Variants in TTLL1 observed in about 807,000 individuals in gnomAD.
TTLL1 encodes the protein TTL family tubulin polyglutamylase complex subunit L1, also known as polyglutamylase complex subunit TTLL1.
In TTLL1, 33 loss-of-function variants were observed where a neutral mutation model predicts 47.8. The observed-to-expected ratio is 0.69, with a 90% confidence interval of 0.52 to 0.92. The LOEUF is 0.92. TTLL1 is among the 40% of genes least tolerant of loss of function. The pLI, the probability that TTLL1 is intolerant of heterozygous loss-of-function variation, is 0.00. For missense variants in TTLL1, 488 were observed against 547.5 expected (o/e 0.89, Z 1.08); for synonymous variants, 225 against 214.1 (o/e 1.05, Z -0.45).
chr22:43,061,040 C>A (rs1927356397), intron 7 of TTLL1, among the ~76,000 whole-genome samples: 1 of 151,844 alleles, frequency 6.6e-6, no homozygotes, highest in South Asian at 2.1e-4. Flanking sequence ...TACTAAAAAC[C>A]CCAGCCAGGT....
intron 5 of TTLL1, among the ~76,000 whole-genome samples, chr22:43,064,625 CTG>C (rs1183686708): frequency 6.6e-6 from 1 of 152,070 alleles, no homozygotes; most frequent in Non-Finnish European, 1.5e-5. Flanking sequence ...ACTCAGGAGG[CTG>C]TGGCAGGAGA....
At position 43,046,513 on chromosome 22, in the gene TTLL1, G is replaced by A. The variant is rs144441232; in HGVS notation, c.1039C>T (p.Leu347=). ...GCGATGTTGAGGGTGTCATTAATCA[G>A]GTTGTACTTGAGGATTCGGTCATTG... ...TANDRILKYN[L]INDTLNIAVP... Residue 347 remains leucine (L), a synonymous_variant, in exon 10 of 11, where the codon CTG becomes TTG. Transcript: ENST00000266254. 1.2e-6 allele frequency: 2 copies of A among 1,614,014 alleles called. No individual in the cohort carries two copies. The highest frequency in any genetic ancestry group is 2.7e-5 in the African/African-American group (2 of 74,910).
chr22:43,053,613 G>A lies in TTLL1; in HGVS notation c.892-1726C>T, dbSNP rs150770532. 3.1e-3 allele frequency among the ~76,000 whole-genome samples: 473 copies of A among 152,222 alleles called. 1 individual carries two copies. The highest frequency in any genetic ancestry group is 0.011 in the African/African-American group (447 of 41,554). The stretch of plus-strand genomic sequence containing the variant: ...TCGGGGGGTCTCAGAGCCACCTCCC[G>A]TCCTGCACCAGGCCCCTCCCATGTG... On this transcript the variant is annotated intron_variant, in intron 8 of 10. Coordinates refer to ENST00000266254, the MANE Select transcript of TTLL1 (RefSeq NM_012263.5).
At chr22:43,068,193 T>C (rs2146979683) in intron 5 of TTLL1, among the ~76,000 whole-genome samples, 1 of 151,206 alleles carries the variant, frequency 6.6e-6, no homozygotes, top group Middle Eastern at 3.5e-3. Context: ...GACGCATGCC[T>C]GTAATCCCAA....
chr22:43,088,211 C>T (rs113226680), intron 1 of TTLL1, among the ~76,000 whole-genome samples: 63 of 151,608 alleles, frequency 4.2e-4, no homozygotes, highest in African/African-American at 1.5e-3. Flanking sequence ...GCAGGGCATT[C>T]GTTCACAGCG....
At chr22:43,052,731 G>A (rs944250517) in intron 8 of TTLL1, among the ~76,000 whole-genome samples, 2 of 148,772 alleles carry the variant, frequency 1.3e-5, no homozygotes, top group Admixed American at 6.7e-5. Flanking sequence ...GGGTGACAGA[G>A]CAAGAACCTG....
chr22:43,059,136 C>T (rs532964777), intron 8 of TTLL1, among the ~76,000 whole-genome samples: 9 of 152,270 alleles, frequency 5.9e-5, no homozygotes, highest in African/African-American at 2.2e-4. Flanking sequence ...ATTACACGTG[C>T]ATGCCACCAT....
rs113316200 is a variant in TTLL1, at chr22:43,076,688, T to C, written c.-4-1098A>G. On this transcript the variant is annotated intron_variant, in intron 2 of 10. Transcript: ENST00000266254. ...ATCACTTGAACCTGGGAGGTGGAGG[T>C]TGCAGTGGGCAGAGATTGCGCCACT... 9.8e-3 allele frequency among the ~76,000 whole-genome samples: 1,451 copies of C among 148,454 alleles called. 24 individuals carry two copies. The highest frequency in any genetic ancestry group is 0.034 in the African/African-American group (1,353 of 39,904).
At chr22:43,064,634 G>A (rs1927613129) in intron 5 of TTLL1, among the ~76,000 whole-genome samples, 1 of 152,202 alleles carries the variant, frequency 6.6e-6, no homozygotes, top group South Asian at 2.1e-4. Flanking sequence ...GCTGTGGCAG[G>A]AGAATCACTT....
rs375687595 is a variant in TTLL1 at position 43,046,602 on chromosome 22, C to A, written c.979-29G>T. Reference sequence around the variant, plus strand: ...TGAGATGAAAGACCCATGTTCCTCACCTGTGTCTCTCGCTCTTTTGGAATG... The same window carrying A: ...TGAGATGAAAGACCCATGTTCCTCAACTGTGTCTCTCGCTCTTTTGGAATG... On this transcript the variant is annotated intron_variant, in intron 9 of 10. Transcript: ENST00000266254. 1.2e-5 allele frequency: 20 copies of A among 1,606,160 alleles called. No homozygotes were observed. In the African/African-American group the frequency reaches 2.3e-4, roughly 18 times the overall value.
At chr22:43,048,509 C>T (rs1926335167) in intron 9 of TTLL1, among the ~76,000 whole-genome samples, 2 of 150,106 alleles carry the variant, frequency 1.3e-5, no homozygotes, top group African/African-American at 2.5e-5. Context: ...AAGAGTGGCA[C>T]ACACCTCTAC....
Position 43,040,090 on chromosome 22 carries a change from G to A in TTLL1, c.1143-185C>T, listed in dbSNP as rs1172541667. On this transcript the variant is annotated intron_variant, in intron 10 of 10. Transcript: ENST00000266254. ...GCTCCAGCCCACCTGCCTGCCAGGTGGCTCTCGCAGCCCAGCAAATGCTCC... is the reference window on the plus strand; with the variant it reads ...GCTCCAGCCCACCTGCCTGCCAGGTAGCTCTCGCAGCCCAGCAAATGCTCC... The A allele has an allele frequency of 5.9e-6, 4 of 677,502 alleles. No homozygotes were observed. In the East Asian group the frequency reaches 9.0e-5, roughly 15 times the overall value. 42.0% of individuals were successfully genotyped at this position (677,502 alleles called of 1,614,324 possible). A position where few individuals can be genotyped will look rare whatever the true frequency, so the allele number is the denominator to read the frequency against.
At chr22:43,088,062 C>T (rs1170391711) in intron 1 of TTLL1, among the ~76,000 whole-genome samples, 1 of 148,030 alleles carries the variant, frequency 6.8e-6, no homozygotes, top group Non-Finnish European at 1.5e-5. Flanking sequence ...GCAGGAGAAT[C>T]GCTTGAACCC....
chr22:43,055,574 G>T (rs1048614960), intron 8 of TTLL1, among the ~76,000 whole-genome samples: 1 of 151,148 alleles, frequency 6.6e-6, no homozygotes, highest in African/African-American at 2.4e-5. Context: ...CAAGCAATCT[G>T]CCCACCTTGA....
chr22:43,050,867 T>A (rs865978143), intron 9 of TTLL1, among the ~76,000 whole-genome samples: 1 of 152,162 alleles, frequency 6.6e-6, no homozygotes. Context: ...GTACAAACAC[T>A]GGCTATCTAT....
At chr22:43,049,377 G>A (rs1028448891) in intron 9 of TTLL1, among the ~76,000 whole-genome samples, 1 of 151,972 alleles carries the variant, frequency 6.6e-6, no homozygotes, top group Non-Finnish European at 1.5e-5. Flanking sequence ...TACAAAATTA[G>A]CCAGGAGTGG....
chr22:43,068,629 CCCAACAGTGGCCATGAA>C, intron 4 of TTLL1, 39 bp from the exon 5 acceptor site: 1 of 1,392,254 alleles, frequency 7.2e-7, no homozygotes, highest in Non-Finnish European at 9.5e-7. Context: ...AAGCAGCCAG[CCCAACAGTGGCCATGAA>C]CAGAAAGATC....
intron 10 of TTLL1, among the ~76,000 whole-genome samples, chr22:43,045,674 C>T: frequency 6.6e-6 from 1 of 152,146 alleles, no homozygotes; most frequent in Non-Finnish European, 1.5e-5. Flanking sequence ...TCCTCCCTGT[C>T]ACCCAGCTCT....
chr22:43,055,149 G>C (rs59544223), intron 8 of TTLL1, among the ~76,000 whole-genome samples: 5,347 of 151,052 alleles, frequency 0.035, 328 homozygotes, highest in African/African-American at 0.12. Context: ...TCAGCCTCCC[G>C]AGTAGCTGGG....
Sources: gnomAD v4.1 joint callset for allele counts (sites outside exome capture counted in the v4.1 genomes callset) on GRCh38, gnomAD v4.1.1 for gene constraint, MANE v1.5 for transcripts, NCBI Gene and HGNC (gene_info 2026-07-23, HGNC 2026-07-21) for gene names.